The following GLI2 variants were observed in gnomAD, a reference collection of about 807,000 sequenced individuals.
GLI2 encodes the protein GLI family zinc finger 2, also known as transcription activator GLI2.
A neutral mutation model predicts 78.9 loss-of-function variants in GLI2; 22 were observed. That is an observed-to-expected ratio of 0.28 (90% CI 0.20 to 0.40). GLI2 has a LOEUF of 0.40. Among genes scored for constraint, GLI2 ranks in the 10% least tolerant of loss-of-function variants. GLI2 has a pLI of 1.00. For synonymous variants in GLI2, 974 were observed against 963.7 expected (o/e 1.01, Z -0.20); for missense variants, 2,097 against 2,213.2 (o/e 0.95, Z 1.05).
chr2:120,753,225 A>G (rs569468059), intron 1 of GLI2, among the ~76,000 whole-genome samples: 1 of 151,662 alleles, frequency 6.6e-6, no homozygotes, highest in African/African-American at 2.4e-5. Flanking sequence ...CCTCCCAAGT[A>G]GCTGGGATTA....
intron 2 of GLI2, among the ~76,000 whole-genome samples, chr2:120,833,109 TTTA>T (rs1418525388): frequency 1.3e-5 from 2 of 151,988 alleles, no homozygotes; most frequent in Admixed American, 6.6e-5. Context: ...CCTCCTTCAT[TTTA>T]TTCTCCTCGC....
intron 2 of GLI2, among the ~76,000 whole-genome samples, chr2:120,864,564 C>G (rs1238803786): frequency 2.6e-5 from 4 of 152,178 alleles, no homozygotes; most frequent in Non-Finnish European, 5.9e-5. Flanking sequence ...CTCCGCCTCC[C>G]AGGTTCACAC....
Position 120,970,620 on chromosome 2 carries a change from G to A in GLI2, c.1059+14G>A. 1 of 1,607,064 alleles carries A rather than the reference G, an allele frequency of 6.2e-7. No individual in the cohort carries two copies. Among genetic ancestry groups the A allele is most frequent in the East Asian group, 2.2e-5 (1 of 44,846 alleles). On this transcript the variant is annotated intron_variant, in intron 7 of 13. Transcript: ENST00000361492. The stretch of plus-strand genomic sequence containing the variant: ...GACACCAACCAGGTAGGTGGGTGCA[G>A]GGGCCAGGATGGCCACTGGGTACTC...
In GLI2 at chr2:120,888,273, T is replaced by C. The variant is rs181810125; in HGVS notation, c.149-39088T>C. On this transcript the variant is annotated intron_variant, in intron 2 of 13. Transcript: ENST00000361492. ...GTTGCCAAAATGCCCTGCAGTTGAGTGATGTTGCTTTCTCGTTTGGCAAGG... is the reference window on the plus strand; with the variant it reads ...GTTGCCAAAATGCCCTGCAGTTGAGCGATGTTGCTTTCTCGTTTGGCAAGG... Among the ~76,000 whole-genome samples, 597 of 152,282 alleles carry C rather than the reference T, an allele frequency of 3.9e-3. 3 individuals carry two copies. Among genetic ancestry groups the C allele is most frequent in the Admixed American group, 8.5e-3 (130 of 15,298 alleles).
At position 120,988,406 on chromosome 2, in the gene GLI2, C is replaced by A. The variant is rs747895979; in HGVS notation, c.2441C>A (p.Ser814Tyr). ...RRSSGISPYF[S>Y]SRRSSEASPL... Reference sequence around the variant, plus strand: ...TCCTCCGGCATCTCCCCCTACTTCTCCAGCCGCCGCTCCAGCGAGGCCTCG... The same window carrying A: ...TCCTCCGGCATCTCCCCCTACTTCTACAGCCGCCGCTCCAGCGAGGCCTCG... The change falls in exon 14 of 14, where the codon TCC (serine) becomes TAC (tyrosine). Residue 814 changes from serine (S) to tyrosine (Y), a missense_variant. Physicochemically the swap from Ser to Tyr is moderately radical, Grantham distance 144. Coordinates refer to ENST00000361492, the MANE Select transcript of GLI2 (RefSeq NM_001374353.1). 1.9e-6 allele frequency: 3 copies of A among 1,569,116 alleles called. No individual in the cohort carries two copies. The African/African-American group carries it at 4.2e-5, about 22-fold the overall frequency.
At chr2:120,790,847 A>C (rs1354888761) in intron 1 of GLI2, among the ~76,000 whole-genome samples, 1 of 152,092 alleles carries the variant, frequency 6.6e-6, no homozygotes, top group Non-Finnish European at 1.5e-5. Flanking sequence ...AGGTCTGAGG[A>C]GCTGGTGGAG....
intron 1 of GLI2, among the ~76,000 whole-genome samples, chr2:120,774,341 G>A (rs1683616497): frequency 1.3e-5 from 2 of 152,132 alleles, no homozygotes; most frequent in Admixed American, 6.5e-5. Context: ...CTCTTAAAGT[G>A]TACAATTCAC....
At chr2:120,795,727 G>A (rs1684357215) in intron 1 of GLI2, among the ~76,000 whole-genome samples, 1 of 152,008 alleles carries the variant, frequency 6.6e-6, no homozygotes, top group Non-Finnish European at 1.5e-5. Flanking sequence ...AGCCAAAAAT[G>A]CCAGCTATCT....
At chr2:120,985,812 G>A (rs1175416453) in intron 12 of GLI2, among the ~76,000 whole-genome samples, 1 of 152,190 alleles carries the variant, frequency 6.6e-6, no homozygotes, top group African/African-American at 2.4e-5. Flanking sequence ...CACAAGGGCT[G>A]CATCCCACAG....
intron 2 of GLI2, among the ~76,000 whole-genome samples, chr2:120,829,024 G>A (rs987791519): frequency 2.6e-5 from 4 of 152,110 alleles, no homozygotes; most frequent in African/African-American, 9.7e-5. Flanking sequence ...ATGACATGCT[G>A]TCACTCATAC....
intron 12 of GLI2, 94 bp from the exon 13 acceptor site, chr2:120,986,183 TG>T: frequency 9.1e-7 from 1 of 1,093,318 alleles, no homozygotes; most frequent in Non-Finnish European, 1.4e-6. Context: ...CCCCTCAGGG[TG>T]GGCGAGGGTG....
chr2:120,986,181 G>T, intron 12 of GLI2, 97 bp from the exon 13 acceptor site: 1 of 1,078,074 alleles, frequency 9.3e-7, no homozygotes, highest in Admixed American at 1.8e-5. Context: ...AGCCCCTCAG[G>T]GTGGGCGAGG....
intron 2 of GLI2, among the ~76,000 whole-genome samples, chr2:120,868,671 T>C (rs76927397): frequency 0.047 from 7,133 of 152,226 alleles, 566 homozygotes; most frequent in African/African-American, 0.16. Context: ...GAAATGGTGA[T>C]TGTGACCTCA....
intron 10 of GLI2, 67 bp downstream of exon 10, chr2:120,978,650 C>T: frequency 6.4e-7 from 1 of 1,562,022 alleles, no homozygotes; most frequent in Non-Finnish European, 8.7e-7. Context: ...CCGGGGGGAT[C>T]ATGTTTGGAG....
chr2:120,860,149 G>A (rs983113785), intron 2 of GLI2, among the ~76,000 whole-genome samples: 18 of 152,108 alleles, frequency 1.2e-4, no homozygotes, highest in Non-Finnish European at 1.9e-4. Context: ...AGAGTGCATC[G>A]GAGTGCATCA....
chr2:120,912,317 T>C (rs1170296669), intron 2 of GLI2, among the ~76,000 whole-genome samples: 1 of 150,966 alleles, frequency 6.6e-6, no homozygotes, highest in Admixed American at 6.6e-5. Flanking sequence ...TTGGCATGTT[T>C]TCCTCCTCCC....
At chr2:120,887,002 C>T (rs1677444458) in intron 2 of GLI2, among the ~76,000 whole-genome samples, 1 of 152,208 alleles carries the variant, frequency 6.6e-6, no homozygotes, top group South Asian at 2.1e-4. Context: ...GATGCAGAAA[C>T]ACATGGTGAA....
chr2:120,816,288 C>T (rs547462663), intron 2 of GLI2, among the ~76,000 whole-genome samples: 114 of 151,798 alleles, frequency 7.5e-4, no homozygotes, highest in African/African-American at 2.1e-3. Context: ...CTCCGCCTCC[C>T]GGGTTCAGGT....
chr2:120,855,446 A>G (rs1687600433), intron 2 of GLI2, among the ~76,000 whole-genome samples: 1 of 152,226 alleles, frequency 6.6e-6, no homozygotes, highest in South Asian at 2.1e-4. Flanking sequence ...CCCAGGGAGC[A>G]CTGTGAATTC....
Sources: allele counts gnomAD v4.1 joint callset (sites outside exome capture counted in the v4.1 genomes callset), GRCh38; gene constraint gnomAD v4.1.1; transcripts MANE v1.5; gene names NCBI Gene and HGNC (gene_info 2026-07-23, HGNC 2026-07-21).